The following HSP90B1 variants were observed in gnomAD, a reference collection of about 807,000 sequenced individuals.
HSP90B1 encodes heat shock protein 90 beta family member 1, also known as endoplasmin.
Under a neutral mutation model 100.4 loss-of-function variants are expected in HSP90B1, and 27 were observed. The observed-to-expected ratio is 0.27, with a 90% confidence interval of 0.20 to 0.37. The LOEUF is 0.37. Among genes scored for constraint, HSP90B1 ranks in the 10% least tolerant of loss-of-function variants. HSP90B1 has a pLI of 1.00. For missense variants in HSP90B1, 678 were observed against 960.5 expected, an observed-to-expected ratio of 0.71 and a Z score of 3.89; for synonymous variants, 304 against 330.8, an observed-to-expected ratio of 0.92 and a Z score of 0.88.
rs200139257 is a variant in HSP90B1, at chr12:103,932,800, G to A, written c.295-26G>A. On this transcript the variant is annotated intron_variant, in intron 3 of 17. Transcript: ENST00000299767. ...TTAATGCATCTTGAGGATAGTCTAA[G>A]TGTATTCCCTCTGGCTTCCATTTAG... 311 of 1,137,296 alleles carry A rather than the reference G, an allele frequency of 2.7e-4. 2 individuals are homozygous for A. Among genetic ancestry groups the A allele is most frequent in the Admixed American group, 8.5e-4 (50 of 59,116 alleles). 70.5% of individuals were successfully genotyped at this position (1,137,296 alleles called of 1,614,324 possible).
chr12:103,941,375 G>A (rs1377784102), intron 8 of HSP90B1, 35 bp from the exon 9 acceptor site: 3 of 1,605,314 alleles, frequency 1.9e-6, no homozygotes, highest in Admixed American at 1.7e-5. Flanking sequence ...TTTCTCCTGT[G>A]TCGTTTGAAT....
rs1593486127 is a variant in HSP90B1 at position 103,930,872 on chromosome 12, C to A, written c.49+308C>A. Reference sequence around the variant, plus strand: ...CGGGAGCTGTGCGAGTCCCTCCCCCCTCCCCGCCCGGAGGACTTTTTCGGC... The same window carrying A: ...CGGGAGCTGTGCGAGTCCCTCCCCCATCCCCGCCCGGAGGACTTTTTCGGC... On this transcript the variant is annotated intron_variant, in intron 1 of 17. Transcript: ENST00000299767. This position sits in a 1 kb window ranked among gnomAD's most constrained non-coding sequence, Gnocchi z 4.4. Among the ~76,000 whole-genome samples, 1 of 150,832 alleles carries A rather than the reference C, an allele frequency of 6.6e-6. No homozygotes were observed.
intron 1 of HSP90B1, 73 bp from the exon 2 acceptor site, chr12:103,931,448 C>CT: frequency 8.3e-7 from 1 of 1,207,210 alleles, no homozygotes. Flanking sequence ...TTTGCAACCC[C>CT]TACCCTTCCC....
chr12:103,943,167 C>T lies in HSP90B1; in HGVS notation c.1738C>T (p.Leu580Phe). The T allele has an allele frequency of 6.2e-7, 1 of 1,614,126 alleles. No homozygotes were observed. Among genetic ancestry groups the T allele is most frequent in the Non-Finnish European group, 8.5e-7 (1 of 1,180,020 alleles). Residue 580 changes from leucine (L) to phenylalanine (F), a missense_variant, in exon 13 of 18, where the codon CTT becomes TTT. By Grantham distance (22) the Leu-to-Phe change is conservative (BLOSUM62 0). Coordinates refer to ENST00000299767, the MANE Select transcript of HSP90B1 (RefSeq NM_003299.3). The surrounding 1 kb of genome is among the most constrained non-coding windows in gnomAD (Gnocchi z 5.3). The part of the protein sequence containing the change: ...EPVDEYCIQA[L>F]PEFDGKRFQN... The stretch of plus-strand genomic sequence containing the variant: ...TGTGGATGAATACTGTATTCAGGCC[C>T]TTCCCGAATTTGATGGGAAGAGGTT...
At chr12:103,942,032 T>G in intron 11 of HSP90B1, 135 bp downstream of exon 11, 1 of 662,832 alleles carries the variant, frequency 1.5e-6, no homozygotes, top group Non-Finnish European at 2.7e-6. Context: ...CTTTCTGGAG[T>G]TATCAGATCC....
At chr12:103,944,623 C>T (rs1251065492) in intron 14 of HSP90B1, among the ~76,000 whole-genome samples, 1 of 151,284 alleles carries the variant, frequency 6.6e-6, no homozygotes, top group African/African-American at 2.4e-5. Context: ...GTGGCGCAAT[C>T]TCTGCTCACT....
Position 103,943,415 on chromosome 12 carries a change from A to G in HSP90B1, c.1890+96A>G. ...TTAAGCTGCAGCTGGTTACTTTGTA[A>G]CCATTAGAATGGTAAAAATTTAATT... On this transcript the variant is annotated intron_variant, in intron 13 of 17. Transcript: ENST00000299767. This position sits in a 1 kb window ranked among gnomAD's most constrained non-coding sequence, Gnocchi z 5.3. 8.3e-7 allele frequency: 1 copy of G among 1,204,082 alleles called. No homozygotes were observed. Among genetic ancestry groups the G allele is most frequent in the Non-Finnish European group, 1.2e-6 (1 of 841,512 alleles). 74.6% of individuals were successfully genotyped at this position (1,204,082 alleles called of 1,614,324 possible).
At position 103,947,865 on chromosome 12, in the gene HSP90B1, T is replaced by G; in HGVS notation, c.*203T>G. 1 of 600,480 alleles carries G rather than the reference T, an allele frequency of 1.7e-6. No individual in the cohort carries two copies. 37.2% of individuals were successfully genotyped at this position (600,480 alleles called of 1,614,324 possible). A position where few individuals can be genotyped will look rare whatever the true frequency, so the allele number is the denominator to read the frequency against. Reference sequence around the variant, plus strand: ...CTCATGAATGTAAATTTGTACTATTTAACTGACTATTCTTGATGTAAAATC... The same window carrying G: ...CTCATGAATGTAAATTTGTACTATTGAACTGACTATTCTTGATGTAAAATC... On this transcript the variant is annotated 3_prime_UTR_variant, in exon 18 of 18. Coordinates refer to ENST00000299767, the MANE Select transcript of HSP90B1 (RefSeq NM_003299.3).
chr12:103,946,155 TTTTA>T (rs1337473372), intron 14 of HSP90B1, among the ~76,000 whole-genome samples: 2 of 152,234 alleles, frequency 1.3e-5, no homozygotes, highest in Admixed American at 6.5e-5. Context: ...GTATTGGGTT[TTTTA>T]TTTTTTTCTT....
chr12:103,939,162 C>T (rs1487103273), intron 7 of HSP90B1, among the ~76,000 whole-genome samples: 2 of 151,034 alleles, frequency 1.3e-5, no homozygotes, highest in Non-Finnish European at 2.9e-5. Flanking sequence ...TGTGGTAGCA[C>T]GATCATAGCT....
chr12:103,935,876 T>G (rs918106719), intron 5 of HSP90B1, among the ~76,000 whole-genome samples: 1 of 152,246 alleles, frequency 6.6e-6, no homozygotes, highest in African/African-American at 2.4e-5. Flanking sequence ...AACATTTTGT[T>G]GGAAGCTCCA....
chr12:103,933,994 C>T lies in HSP90B1; in HGVS notation c.450C>T (p.Thr150=), dbSNP rs776047308. Residue 150 remains threonine, a synonymous_variant, in exon 5 of 18, where the codon ACC becomes ACT. Coordinates refer to ENST00000299767, the MANE Select transcript of HSP90B1 (RefSeq NM_003299.3). Reference sequence around the variant, plus strand: ...AGAACCTGCTGCATGTCACAGACACCGGTGTAGGAATGACCAGAGAAGAGT... The same window carrying T: ...AGAACCTGCTGCATGTCACAGACACTGGTGTAGGAATGACCAGAGAAGAGT... ...KEKNLLHVTD[T]GVGMTREELV... is the part of the protein sequence containing the mutation. 87 of 1,613,924 alleles carry T rather than the reference C, an allele frequency of 5.4e-5. No homozygotes were observed. Among genetic ancestry groups the T allele is most frequent in the Middle Eastern group, 1.6e-4 (1 of 6,082 alleles).
chr12:103,930,590 T>G lies in HSP90B1; in HGVS notation c.49+26T>G. On this transcript the variant is annotated intron_variant, in intron 1 of 17. Coordinates refer to ENST00000299767, the MANE Select transcript of HSP90B1 (RefSeq NM_003299.3). This position sits in a 1 kb window ranked among gnomAD's most constrained non-coding sequence, Gnocchi z 4.4. ...GTGAGTGATTCTGGAGGAGCAGACGTCCCCCCTCCACACACGCGGCCGCTT... is the reference window on the plus strand; with the variant it reads ...GTGAGTGATTCTGGAGGAGCAGACGGCCCCCCTCCACACACGCGGCCGCTT... 1 of 1,591,586 alleles carries G rather than the reference T, an allele frequency of 6.3e-7. No homozygotes were observed. The highest frequency in any genetic ancestry group is 1.1e-5 in the South Asian group (1 of 88,004).
chr12:103,940,335 GTT>G (rs1350868517), intron 8 of HSP90B1, among the ~76,000 whole-genome samples: 1 of 147,466 alleles, frequency 6.8e-6, no homozygotes, highest in South Asian at 2.1e-4. Flanking sequence ...TTCCTTGCCT[GTT>G]TTTTTTTTTC....
chr12:103,932,078 C>A, intron 2 of HSP90B1, 199 bp from the exon 3 acceptor site: 1 of 511,372 alleles, frequency 2.0e-6, no homozygotes, highest in Non-Finnish European at 3.4e-6. Context: ...TTTTAAGAAC[C>A]GAGTATTTCC....
At chr12:103,938,235 C>A in intron 6 of HSP90B1, 105 bp from the exon 7 acceptor site, 1 of 991,754 alleles carries the variant, frequency 1.0e-6, no homozygotes, top group Non-Finnish European at 1.4e-6. Context: ...TCAGGGTTTT[C>A]TTACAAAAAC....
At chr12:103,932,982 G>GAA in intron 4 of HSP90B1, 40 bp downstream of exon 4, 2 of 1,051,060 alleles carry the variant, frequency 1.9e-6, no homozygotes, top group Non-Finnish European at 3.0e-6. Context: ...AAAGGAAAAG[G>GAA]AATCCTTAAA....
At chr12:103,942,075 A>G (rs1870097321) in intron 11 of HSP90B1, among the ~76,000 whole-genome samples, 178 bp downstream of exon 11, 1 of 152,198 alleles carries the variant, frequency 6.6e-6, no homozygotes, top group South Asian at 2.1e-4. Context: ...CCAACATTTA[A>G]TAATGAAGTT....
At position 103,939,528 on chromosome 12, in the gene HSP90B1, A is replaced by G. The variant is rs765860662; in HGVS notation, c.995A>G (p.Asp332Gly). Residue 332 changes from aspartate to glycine, a missense_variant, in exon 8 of 18, where the codon GAC (aspartate) becomes GGC (glycine). By Grantham distance (94) the Asp-to-Gly change is moderately conservative (BLOSUM62 -1). Transcript: ENST00000299767. The stretch of plus-strand genomic sequence containing the variant: ...CTTCAGGTTGAAAAAACTGTCTGGG[A>G]CTGGGAACTTATGAATGATATCAAA... Reference protein sequence around the residue: ...KTKKVEKTVWDWELMNDIKPI... With the variant: ...KTKKVEKTVWGWELMNDIKPI... 5.1e-6 allele frequency: 8 copies of G among 1,567,304 alleles called. No individual in the cohort carries two copies. The highest frequency in any genetic ancestry group is 6.9e-6 in the Non-Finnish European group (8 of 1,156,738).
Sources: allele counts gnomAD v4.1 joint callset (sites outside exome capture counted in the v4.1 genomes callset), GRCh38; gene constraint gnomAD v4.1.1; non-coding constraint Gnocchi (gnomAD v3.1); transcripts MANE v1.5; gene names NCBI Gene and HGNC (gene_info 2026-07-23, HGNC 2026-07-21).